The following SNRNP200 variants were observed in gnomAD, a reference collection of about 807,000 sequenced individuals.
SNRNP200 encodes U5 small nuclear ribonucleoprotein 200 kDa helicase.
In SNRNP200, 66 loss-of-function variants were observed where a neutral mutation model predicts 255.2. The ratio of observed to expected loss-of-function variants is 0.26; its 90% CI spans 0.21 to 0.32. SNRNP200 has a LOEUF of 0.32. Among genes scored for constraint, SNRNP200 ranks in the 10% least tolerant of loss-of-function variants. SNRNP200 has a pLI of 1.00. For synonymous variants in SNRNP200, 939 were observed against 1,027.8 expected (o/e 0.91, Z 1.65); for missense variants, 1,585 against 2,749.8 (o/e 0.58, Z 9.47).
chr2:96,301,456 T>C (rs542420813), intron 4 of SNRNP200, 68 bp downstream of exon 4: 2 of 1,480,736 alleles, frequency 1.4e-6, no homozygotes, highest in South Asian at 1.1e-5. Flanking sequence ...TGAATGATGC[T>C]AGAAGATGCA....
chr2:96,301,976 C>T (rs2063956199), intron 3 of SNRNP200, among the ~76,000 whole-genome samples: 1 of 152,200 alleles, frequency 6.6e-6, no homozygotes, highest in Non-Finnish European at 1.5e-5. Context: ...AGTCACTTGG[C>T]AGACCTCCTC....
At position 96,298,687 on chromosome 2, in the gene SNRNP200, G is replaced by C; in HGVS notation, c.898C>G (p.Arg300Gly). Residue 300 changes from arginine to glycine, a missense_variant, in exon 8 of 45, where the codon CGG (arginine) becomes GGG (glycine). Physicochemically the swap from Arg to Gly is moderately radical, Grantham distance 125. Around this residue, in one of 9 missense-constraint regions of SNRNP200, gnomAD observed 383 missense variants for 645.3 expected, o/e 0.59. Transcript: ENST00000323853. Reference sequence around the variant, plus strand: ...AGAACCAGCTGATTTTCACATTCCCGATCATCACTGGCCGTCTGCAGAGAG... The same window carrying C: ...AGAACCAGCTGATTTTCACATTCCCCATCATCACTGGCCGTCTGCAGAGAG... ...LEILKTASDD[R>G]ECENQLVLLL... 6.2e-7 allele frequency: 1 copy of C among 1,614,134 alleles called. No homozygotes were observed.
rs1270101206 is a variant in SNRNP200, at chr2:96,287,884, C to G, written c.3344G>C (p.Cys1115Ser). 5.0e-6 allele frequency: 8 copies of G among 1,614,112 alleles called. No homozygotes were observed. The highest frequency in any genetic ancestry group is 5.9e-6 in the Non-Finnish European group (7 of 1,180,036). ...TTACATGCGTTTGTCGATCATCTTG[C>G]AGAGGTTCAGGGTCTTGTCTGTAAG... ...AQLTDKTLNL[C>S]KMIDKRMWQS... Residue 1115 changes from cysteine to serine, a missense_variant, in exon 25 of 45, where the codon TGC (cysteine) becomes TCC (serine). This residue lies in a region of SNRNP200 where 719 missense variants were observed against 1,091.1 expected (regional missense o/e 0.66). Coordinates refer to ENST00000323853, the MANE Select transcript of SNRNP200 (RefSeq NM_014014.5). The surrounding 1 kb of genome is among the most constrained non-coding windows in gnomAD (Gnocchi z 5.7).
At chr2:96,293,554 A>G (rs1487408178) in intron 14 of SNRNP200, 45 bp from the exon 15 acceptor site, 1 of 1,534,070 alleles carries the variant, frequency 6.5e-7, no homozygotes, top group Non-Finnish European at 9.0e-7. Context: ...CTAGAGATAC[A>G]TAGTCCCTTT....
rs753178839 is a variant in SNRNP200 at position 96,286,521 on chromosome 2, T to C, written c.3830-37A>G. ...GAAACAGGAAGGATATAAGCACTGC[T>C]CTCTTTCCCTCACTGGCCTCTAGAT... On this transcript the variant is annotated intron_variant, in intron 28 of 44. Coordinates refer to ENST00000323853, the MANE Select transcript of SNRNP200 (RefSeq NM_014014.5). This position sits in a 1 kb window ranked among gnomAD's most constrained non-coding sequence, Gnocchi z 4.8. 8 of 1,611,328 alleles carry C rather than the reference T, an allele frequency of 5.0e-6. No homozygotes were observed. Among genetic ancestry groups the C allele is most frequent in the Non-Finnish European group, 6.8e-6 (8 of 1,178,736 alleles).
rs1484295810 is a variant in SNRNP200 at position 96,286,654 on chromosome 2, C to A, written c.3829+34G>T. 6 of 1,610,468 alleles carry A rather than the reference C, an allele frequency of 3.7e-6. No individual in the cohort carries two copies. The Admixed American group carries it at 1.0e-4, about 27-fold the overall frequency. On this transcript the variant is annotated intron_variant, in intron 28 of 44. Transcript: ENST00000323853. The surrounding 1 kb of genome is among the most constrained non-coding windows in gnomAD (Gnocchi z 4.8). Reference sequence around the variant, plus strand: ...CATTCTTCTACTGTCCTTGGAGGGACTGTTCCTGGGGACTCTGGAGAGGAG... The same window carrying A: ...CATTCTTCTACTGTCCTTGGAGGGAATGTTCCTGGGGACTCTGGAGAGGAG...
rs756684860 is a variant in SNRNP200, at chr2:96,301,609, T to C, written c.489A>G (p.Gln163=). The part of the protein sequence containing the change: ...RRKEIDLLLG[Q]TDDTRYHVLV... ...GCACATGGTATCTGGTATCATCTGT[T>C]TGACCCAGCAGCAGGTCAATCTCCT... Residue 163 remains glutamine, a synonymous_variant, in exon 4 of 45, where the codon CAA becomes CAG. Coordinates refer to ENST00000323853, the MANE Select transcript of SNRNP200 (RefSeq NM_014014.5). 3.1e-6 allele frequency: 5 copies of C among 1,614,204 alleles called. No homozygotes were observed. The highest frequency in any genetic ancestry group is 4.2e-6 in the Non-Finnish European group (5 of 1,180,038).
chr2:96,284,732 C>T (rs764461990), intron 30 of SNRNP200, 147 bp from the exon 31 acceptor site: 4 of 660,144 alleles, frequency 6.1e-6, no homozygotes, highest in African/African-American at 1.8e-5. Flanking sequence ...CTATGCGATG[C>T]GATGGGGCAG....
At chr2:96,297,145 AT>A (rs2063922098) in intron 11 of SNRNP200, 75 bp from the exon 12 acceptor site, 1 of 1,603,692 alleles carries the variant, frequency 6.2e-7, no homozygotes, top group South Asian at 1.1e-5. Flanking sequence ...GATTGCCAGG[AT>A]TTTGTTCCCT....
Position 96,290,891 on chromosome 2 carries a change from G to A in SNRNP200, c.2422-76C>T. Reference sequence around the variant, plus strand: ...TTAATATCCCTGGCTTCTCTAGGCAGTTGGCCTCAGAGCTTCTCTCAGGAC... The same window carrying A: ...TTAATATCCCTGGCTTCTCTAGGCAATTGGCCTCAGAGCTTCTCTCAGGAC... On this transcript the variant is annotated intron_variant, in intron 18 of 44. Coordinates refer to ENST00000323853, the MANE Select transcript of SNRNP200 (RefSeq NM_014014.5). The surrounding 1 kb of genome is among the most constrained non-coding windows in gnomAD (Gnocchi z 4.5). 1 of 1,592,322 alleles carries A rather than the reference G, an allele frequency of 6.3e-7. No individual in the cohort carries two copies. Among genetic ancestry groups the A allele is most frequent in the Non-Finnish European group, 8.6e-7 (1 of 1,163,834 alleles).
chr2:96,293,138 T>C (rs2063894126), intron 15 of SNRNP200, 43 bp from the exon 16 acceptor site: 1 of 1,613,410 alleles, frequency 6.2e-7, no homozygotes, highest in Non-Finnish European at 8.5e-7. Flanking sequence ...TGGCAGAAAA[T>C]ACTGTGGGAA....
chr2:96,301,428 G>T, intron 4 of SNRNP200, 96 bp downstream of exon 4: 1 of 1,275,456 alleles, frequency 7.8e-7, no homozygotes, highest in Non-Finnish European at 1.1e-6. Flanking sequence ...GGAACTCACT[G>T]ACATTAAGGT....
At chr2:96,285,990 G>A (rs2063841654) in intron 29 of SNRNP200, among the ~76,000 whole-genome samples, 1 of 152,216 alleles carries the variant, frequency 6.6e-6, no homozygotes, top group Non-Finnish European at 1.5e-5. Context: ...ATCATGATGT[G>A]GTGAGGAGGC....
chr2:96,303,676 G>C (rs1409288448), intron 2 of SNRNP200, among the ~76,000 whole-genome samples: 1 of 152,176 alleles, frequency 6.6e-6, no homozygotes, highest in Non-Finnish European at 1.5e-5. Flanking sequence ...GATCACCTGA[G>C]GTCAGGAGTT....
In SNRNP200 at chr2:96,296,919, AG is replaced by A. The variant is rs763927088; in HGVS notation, c.1515+13del. 1.9e-6 allele frequency: 3 copies of A among 1,614,060 alleles called. No individual in the cohort carries two copies. In the East Asian group the frequency reaches 6.7e-5, roughly 36 times the overall value. ...CATATTCTACAAGAAAACAGCAGGC[AG>A]GGTGGCGCTTACAGTAGGAGCACAC... On this transcript the variant is annotated intron_variant, in intron 12 of 44. Transcript: ENST00000323853.
Position 96,283,050 on chromosome 2 carries a change from G to A in SNRNP200, c.4915+151C>T. On this transcript the variant is annotated intron_variant, in intron 34 of 44. Transcript: ENST00000323853. This position sits in a 1 kb window ranked among gnomAD's most constrained non-coding sequence, Gnocchi z 4.7. ...CACCTGCCTCACGAGGTTCTTGGGA[G>A]GATCAAATGAGTTAACAGCCAAGAG... The A allele has an allele frequency of 5.0e-6, 5 of 1,009,716 alleles. No individual in the cohort carries two copies. Among genetic ancestry groups the A allele is most frequent in the Non-Finnish European group, 6.1e-6 (4 of 659,056 alleles). The allele number at this position is 1,009,716 out of a possible 1,614,324, so 62.5% of individuals were successfully genotyped here. A position where few individuals can be genotyped will look rare whatever the true frequency, so the allele number is the denominator to read the frequency against.
intron 15 of SNRNP200, 50 bp from the exon 16 acceptor site, chr2:96,293,145 G>A: frequency 6.2e-7 from 1 of 1,611,522 alleles, no homozygotes; most frequent in Non-Finnish European, 8.5e-7. Flanking sequence ...AAATACTGTG[G>A]GAATAAACAG....
chr2:96,295,741 G>A lies in SNRNP200; in HGVS notation c.1672-83C>T. 3 of 1,435,956 alleles carry A rather than the reference G, an allele frequency of 2.1e-6. No individual in the cohort carries two copies. The South Asian group carries it at 3.6e-5, about 17-fold the overall frequency. The allele number at this position is 1,435,956 out of a possible 1,614,324, so 89.0% of individuals were successfully genotyped here. A position where few individuals can be genotyped will look rare whatever the true frequency, so the allele number is the denominator to read the frequency against. ...TTCTGTTTGGGCAATTGGAGTGTAG[G>A]GCATTGGGAGCAGGTATCAACCCAT... On this transcript the variant is annotated intron_variant, in intron 13 of 44. Transcript: ENST00000323853.
At chr2:96,297,865 A>T in intron 9 of SNRNP200, 145 bp from the exon 10 acceptor site, 4 of 857,660 alleles carry the variant, frequency 4.7e-6, no homozygotes, top group Non-Finnish European at 7.7e-6. Context: ...TTACATGGGG[A>T]CCACCAGAAT....
Sources: allele counts gnomAD v4.1 joint callset (sites outside exome capture counted in the v4.1 genomes callset), GRCh38; gene constraint gnomAD v4.1.1; regional missense constraint gnomAD v4.1.1; non-coding constraint Gnocchi (gnomAD v3.1); transcripts MANE v1.5; gene names NCBI Gene and HGNC (gene_info 2026-07-23, HGNC 2026-07-21).